The following CCSER1 variants were observed in gnomAD, a reference collection of about 807,000 sequenced individuals.
CCSER1 encodes the protein serine-rich coiled-coil domain-containing protein 1.
A neutral mutation model predicts 82.0 loss-of-function variants in CCSER1; 41 were observed. That is an observed-to-expected ratio of 0.50 (90% CI 0.39 to 0.65). The LOEUF (loss-of-function observed/expected upper bound fraction) is 0.65, where lower values mean the gene tolerates loss of function less well. Ranked by LOEUF, CCSER1 falls within the 30% of genes least tolerant of loss-of-function variation. CCSER1 has a pLI of 0.00. For synonymous variants in CCSER1, 414 were observed against 383.9 expected, an observed-to-expected ratio of 1.08 and a Z score of -0.92; for missense variants, 1,119 against 1,064.2, an observed-to-expected ratio of 1.05 and a Z score of -0.72.
chr4:91,288,689 C>T (rs756124804), intron 10 of CCSER1, among the ~76,000 whole-genome samples: 2 of 151,970 alleles, frequency 1.3e-5, no homozygotes, highest in African/African-American at 4.8e-5. Flanking sequence ...AAAACAAAAG[C>T]CTAAAATGCA....
At chr4:90,889,597 G>A (rs1161443042) in intron 8 of CCSER1, among the ~76,000 whole-genome samples, 1 of 152,022 alleles carries the variant, frequency 6.6e-6, no homozygotes, top group African/African-American at 2.4e-5. Flanking sequence ...CAGTATTATT[G>A]ACAGTAACCA....
At chr4:90,781,296 C>T (rs1182860044) in intron 7 of CCSER1, 1 of 984,808 alleles carries the variant, frequency 1.0e-6, no homozygotes. Flanking sequence ...GAAACAGACA[C>T]TGTGCTGAGC....
At chr4:90,988,421 C>T (rs1289511806) in intron 9 of CCSER1, among the ~76,000 whole-genome samples, 1 of 137,996 alleles carries the variant, frequency 7.2e-6, no homozygotes, top group Admixed American at 7.2e-5. Flanking sequence ...GTTCATATAA[C>T]ATAATGTTGA....
intron 6 of CCSER1, among the ~76,000 whole-genome samples, chr4:90,651,887 T>G (rs188922690): frequency 2.1e-4 from 32 of 152,246 alleles, no homozygotes; most frequent in Admixed American, 1.9e-3. Context: ...GTGTATCCCT[T>G]CCACCTGGAT....
At chr4:91,389,618 A>C (rs919800071) in intron 10 of CCSER1, among the ~76,000 whole-genome samples, 2 of 151,828 alleles carry the variant, frequency 1.3e-5, no homozygotes, top group Non-Finnish European at 1.5e-5. Context: ...TCGACAAAAC[A>C]ACTTGCTGAG....
chr4:90,489,984 G>A (rs1342469808), intron 5 of CCSER1, among the ~76,000 whole-genome samples: 29 of 152,134 alleles, frequency 1.9e-4, no homozygotes, highest in Non-Finnish European at 3.8e-4. Flanking sequence ...ATAAACATAC[G>A]TGTGCATGTG....
At chr4:91,271,739 T>C (rs1320869754) in intron 10 of CCSER1, among the ~76,000 whole-genome samples, 1 of 151,936 alleles carries the variant, frequency 6.6e-6, no homozygotes, top group African/African-American at 2.4e-5. Flanking sequence ...ATGATACACA[T>C]ATATATATCA....
chr4:91,598,592 T>G lies in CCSER1; in HGVS notation c.2238T>G (p.Ile746Met), dbSNP rs1401101521. The change falls in exon 11 of 11, where the codon ATT becomes ATG. Residue 746 changes from isoleucine (I) to methionine (M), a missense_variant. Physicochemically the swap from Ile to Met is conservative, Grantham distance 10 (BLOSUM62 1). Transcript: ENST00000509176. The part of the protein sequence containing the change: ...GGREATYRNR[I>M]VSQNLSTRDR... ...CATAGGCTACATATCGAAATCGAATTGTGAGCCAAAATCTCAGCACAAGGG... is the reference window on the plus strand; with the variant it reads ...CATAGGCTACATATCGAAATCGAATGGTGAGCCAAAATCTCAGCACAAGGG... 14 of 1,548,970 alleles carry G rather than the reference T, an allele frequency of 9.0e-6. No homozygotes were observed. Among genetic ancestry groups the G allele is most frequent in the Non-Finnish European group, 1.1e-5 (13 of 1,145,114 alleles).
chr4:90,958,764 A>G (rs1325253072), intron 9 of CCSER1, among the ~76,000 whole-genome samples: 1 of 152,178 alleles, frequency 6.6e-6, no homozygotes, highest in African/African-American at 2.4e-5. Context: ...GCAAATCCTC[A>G]GCAGACACTG....
chr4:91,125,948 A>T (rs1455000871), intron 10 of CCSER1, among the ~76,000 whole-genome samples: 1 of 151,630 alleles, frequency 6.6e-6, no homozygotes, highest in Non-Finnish European at 1.5e-5. Flanking sequence ...ATCTCCATTT[A>T]AAAAAATTTG....
rs556932858 is a variant in CCSER1, at chr4:90,820,890, G to C, written c.2094+5045G>C. On this transcript the variant is annotated intron_variant, in intron 8 of 10. Transcript: ENST00000509176. ...AATAGTATTTAACTTTGAGAAATTA[G>C]ACTGCTCAATTTCTGCTTTAATTTG... Among the ~76,000 whole-genome samples, 3 of 152,102 alleles carry C rather than the reference G, an allele frequency of 2.0e-5. No homozygotes were observed. The South Asian group carries it at 6.2e-4, about 32-fold the overall frequency.
At chr4:90,415,496 C>T (rs1034000153) in intron 4 of CCSER1, among the ~76,000 whole-genome samples, 1 of 152,012 alleles carries the variant, frequency 6.6e-6, no homozygotes, top group Non-Finnish European at 1.5e-5. Flanking sequence ...AAGTAATTAC[C>T]ATAAAGCTTA....
At chr4:90,602,159 G>A (rs1979770) in intron 5 of CCSER1, among the ~76,000 whole-genome samples, 1 of 151,576 alleles carries the variant, frequency 6.6e-6, no homozygotes, top group Non-Finnish European at 1.5e-5. Flanking sequence ...GGCATTTTCA[G>A]TCTATCAGTT....
intron 1 of CCSER1, among the ~76,000 whole-genome samples, chr4:90,238,749 C>A (rs1336214948): frequency 2.0e-5 from 3 of 151,986 alleles, no homozygotes; most frequent in Non-Finnish European, 4.4e-5. Flanking sequence ...AGAACATTTA[C>A]TTTTGGATTT....
At chr4:90,735,185 G>T (rs1433031027) in intron 7 of CCSER1, among the ~76,000 whole-genome samples, 3 of 152,124 alleles carry the variant, frequency 2.0e-5, no homozygotes, top group African/African-American at 7.2e-5. Flanking sequence ...ACCTGGTCAT[G>T]ACGAATGATC....
At chr4:91,094,266 G>A (rs759059201) in intron 10 of CCSER1, among the ~76,000 whole-genome samples, 24 of 152,156 alleles carry the variant, frequency 1.6e-4, no homozygotes, top group Admixed American at 2.6e-4. Flanking sequence ...TGGGGAAGCC[G>A]AGTCCAAGTG....
chr4:90,474,535 T>TG (rs1764809242), intron 5 of CCSER1, among the ~76,000 whole-genome samples: 2 of 152,264 alleles, frequency 1.3e-5, no homozygotes, highest in Middle Eastern at 3.4e-3. Context: ...TGATAGCAGT[T>TG]CTCCCCAGCT....
intron 4 of CCSER1, among the ~76,000 whole-genome samples, chr4:90,440,390 A>G (rs1022527779): frequency 1.3e-5 from 2 of 152,218 alleles, no homozygotes; most frequent in Non-Finnish European, 2.9e-5. Flanking sequence ...CTAAAAGCCA[A>G]TGATACTTAT....
intron 10 of CCSER1, among the ~76,000 whole-genome samples, chr4:91,158,352 C>A (rs1731028918): frequency 6.6e-6 from 1 of 151,954 alleles, no homozygotes; most frequent in Admixed American, 6.6e-5. Flanking sequence ...CCTTTTGAGG[C>A]TCAAGGGAAA....
Sources: allele counts gnomAD v4.1 joint callset (sites outside exome capture counted in the v4.1 genomes callset), GRCh38; gene constraint gnomAD v4.1.1; transcripts MANE v1.5; gene names NCBI Gene and HGNC (gene_info 2026-07-23, HGNC 2026-07-21).